Variants in ABR observed in about 807,000 individuals in gnomAD.
The protein encoded by ABR is ABR activator of RhoGEF and GTPase.
A neutral mutation model predicts 107.2 loss-of-function variants in ABR; 35 were observed. That is an observed-to-expected ratio of 0.33 (90% CI 0.25 to 0.43). The LOEUF (loss-of-function observed/expected upper bound fraction) is 0.43. ABR is among the 20% of genes least tolerant of loss of function. ABR has a pLI of 1.00. For synonymous variants in ABR, 498 were observed against 462.0 expected, an observed-to-expected ratio of 1.08 and a Z score of -1.00; for missense variants, 815 against 1,115.2, an observed-to-expected ratio of 0.73 and a Z score of 3.83.
chr17:1,213,455 T>C (rs1481382767), intron 1 of ABR, among the ~76,000 whole-genome samples: 3 of 152,188 alleles, frequency 2.0e-5, no homozygotes, highest in African/African-American at 7.2e-5. Context: ...AGGGGTGCAA[T>C]CTCGGCTCAC....
intron 1 of ABR, among the ~76,000 whole-genome samples, chr17:1,128,551 G>T (rs1022061846): frequency 1.1e-4 from 16 of 152,252 alleles, no homozygotes; most frequent in Non-Finnish European, 2.1e-4. Context: ...TGTGGAACTT[G>T]CAGGAAGCTG....
Position 1,086,002 on chromosome 17 carries a change from C to T in ABR, c.532-2375G>A, listed in dbSNP as rs185512627. Among the ~76,000 whole-genome samples the T allele has an allele frequency of 2.0e-5, 3 of 151,988 alleles. 1 individual carries two copies. The highest frequency in any genetic ancestry group is 7.2e-5 in the African/African-American group (3 of 41,388). On this transcript the variant is annotated intron_variant, in intron 4 of 22. Coordinates refer to ENST00000302538, the MANE Select transcript of ABR (RefSeq NM_021962.5). ...TCTCCACTAAAGATACAAAATTATC[C>T]GGGCGTGGTGGCACGCATCTGTAGT...
chr17:1,202,697 G>T (rs533865269), intron 1 of ABR, among the ~76,000 whole-genome samples: 1 of 151,932 alleles, frequency 6.6e-6, no homozygotes, highest in South Asian at 2.1e-4. Flanking sequence ...CTCCTAATCC[G>T]CTGACCCTTG....
chr17:1,213,043 CAG>C (rs1319948909), intron 1 of ABR, among the ~76,000 whole-genome samples: 1 of 152,196 alleles, frequency 6.6e-6, no homozygotes, highest in Non-Finnish European at 1.5e-5. Context: ...TGCAGACAAT[CAG>C]AGTCAACCCA....
chr17:1,127,302 G>A (rs866868055), intron 1 of ABR, among the ~76,000 whole-genome samples: 2 of 152,106 alleles, frequency 1.3e-5, no homozygotes, highest in Non-Finnish European at 2.9e-5. Context: ...TCACTGAGAC[G>A]CGTGTACGCC....
rs1277760865 is a variant in ABR, at chr17:1,085,753, TA to T, written c.532-2127del. On this transcript the variant is annotated intron_variant, in intron 4 of 22. Coordinates refer to ENST00000302538, the MANE Select transcript of ABR (RefSeq NM_021962.5). ...GAATGTAAATTACCTCGTTAATTTTTAAATACTGATTACATGTTCAAATAAT... is the reference window on the plus strand; with the variant it reads ...GAATGTAAATTACCTCGTTAATTTTTAATACTGATTACATGTTCAAATAAT... Among the ~76,000 whole-genome samples the T allele has an allele frequency of 3.9e-5, 6 of 152,238 alleles. No homozygotes were observed. In the East Asian group the frequency reaches 9.6e-4, roughly 24 times the overall value.
intron 1 of ABR, among the ~76,000 whole-genome samples, chr17:1,170,192 G>A (rs1278778177): frequency 2.0e-5 from 3 of 152,106 alleles, no homozygotes; most frequent in Non-Finnish European, 4.4e-5. Flanking sequence ...GGGGCAGAGG[G>A]CTGTCTCCTC....
intron 1 of ABR, chr17:1,155,924 C>T (rs924837519): frequency 2.1e-5 from 3 of 141,414 alleles, no homozygotes; most frequent in Admixed American, 7.4e-5. Context: ...CATTGCACTC[C>T]AGCCTGGGCA....
intron 7 of ABR, among the ~76,000 whole-genome samples, chr17:1,073,166 T>G (rs1355568201): frequency 8.6e-6 from 1 of 116,180 alleles, no homozygotes. Flanking sequence ...GGTGACAGAG[T>G]GAGACTCCGC....
At chr17:1,113,277 G>GGTT (rs1416563541) in intron 2 of ABR, among the ~76,000 whole-genome samples, 9,835 of 87,376 alleles carry the variant, frequency 0.11, 2,614 homozygotes, top group East Asian at 0.17. Flanking sequence ...CACCTATTGC[G>GGTT]ATTTTTTTTT....
intron 1 of ABR, among the ~76,000 whole-genome samples, chr17:1,128,292 G>A (rs538310279): frequency 9.2e-5 from 14 of 152,364 alleles, no homozygotes; most frequent in African/African-American, 1.4e-4. Context: ...ACTGAGCACA[G>A]GCTTCAGTCT....
chr17:1,083,836 A>T, intron 4 of ABR: 1 of 540,060 alleles, frequency 1.9e-6, no homozygotes, highest in Non-Finnish European at 3.4e-6. Flanking sequence ...TCAGCCAATA[A>T]GGTTAATGAG....
chr17:1,111,642 T>C (rs2038682455), intron 2 of ABR, among the ~76,000 whole-genome samples: 1 of 152,244 alleles, frequency 6.6e-6, no homozygotes, highest in Admixed American at 6.5e-5. Flanking sequence ...AGCCCTCAGC[T>C]GCCCTGTTGA....
intron 2 of ABR, among the ~76,000 whole-genome samples, chr17:1,112,781 T>G (rs930800974): frequency 6.6e-6 from 1 of 152,152 alleles, no homozygotes; most frequent in African/African-American, 2.4e-5. Context: ...CCACTGAGAT[T>G]TCTGACACCA....
At position 1,125,627 on chromosome 17, in the gene ABR, T is replaced by C. The variant is rs372567416; in HGVS notation, c.62-260A>G. 4.8e-4 allele frequency: 174 copies of C among 360,726 alleles called. 1 individual carries two copies. In the East Asian group the frequency reaches 7.6e-3, roughly 16 times the overall value. 22.3% of individuals were successfully genotyped at this position (360,726 alleles called of 1,614,324 possible). ...TGCTGTTGCTACCCGATGAAGAGCA[T>C]GTCAGCCGCGTATTTCAAGCTGCTG... On this transcript the variant is annotated intron_variant, in intron 1 of 22. Coordinates refer to ENST00000302538, the MANE Select transcript of ABR (RefSeq NM_021962.5).
chr17:1,057,909 T>A (rs9912632), intron 12 of ABR, 61 bp downstream of exon 12: 999,713 of 1,484,302 alleles, frequency 0.67, 338,567 homozygotes, highest in East Asian at 0.84. Flanking sequence ...CGCTTAGAAA[T>A]ACAAAAGGCC....
chr17:1,046,831 G>A (rs777524946), intron 16 of ABR, among the ~76,000 whole-genome samples: 3 of 152,182 alleles, frequency 2.0e-5, no homozygotes, highest in Non-Finnish European at 4.4e-5. Flanking sequence ...CTGTAAGATG[G>A]GGAGGAGGGA....
At chr17:1,054,551 A>ATGGGGT (rs1567662347) in intron 14 of ABR, among the ~76,000 whole-genome samples, 14 of 131,668 alleles carry the variant, frequency 1.1e-4, no homozygotes, top group African/African-American at 4.4e-4. Context: ...ACCTGAGGGG[A>ATGGGGT]CGGGGGCACA....
intron 16 of ABR, chr17:1,031,896 G>GTCCGCGTCCCTCCTCCCTCCTCCCTCC: frequency 2.0e-6 from 1 of 499,532 alleles, no homozygotes; most frequent in Non-Finnish European, 2.5e-6. Context: ...CCCTCCCTCC[G>GTCCGCGTCCCTCCTCCCTCCTCCCTCC]TCCGCGTCCC....
Sources: allele counts gnomAD v4.1 joint callset (sites outside exome capture counted in the v4.1 genomes callset), GRCh38; gene constraint gnomAD v4.1.1; transcripts MANE v1.5; gene names NCBI Gene and HGNC (gene_info 2026-07-23, HGNC 2026-07-21).